Variants in ADPGK observed in about 807,000 individuals in gnomAD.
The protein encoded by ADPGK is ADP-dependent glucokinase.
ADPGK carries 26 observed loss-of-function variants against 42.4 expected under a neutral mutation model. That is an observed-to-expected ratio of 0.61 (90% CI 0.45 to 0.85). The LOEUF (loss-of-function observed/expected upper bound fraction) is 0.85. Among genes scored for constraint, ADPGK ranks in the 40% least tolerant of loss-of-function variants. The probability of loss-of-function intolerance (pLI) is 0.00; values close to 1 mark genes in which losing one functional copy is unlikely to be tolerated. For synonymous variants in ADPGK, 267 were observed against 252.6 expected, an observed-to-expected ratio of 1.06 and a Z score of -0.54; for missense variants, 571 against 627.0, an observed-to-expected ratio of 0.91 and a Z score of 0.95.
At position 72,752,366 on chromosome 15, in the gene ADPGK, T is replaced by TA; in HGVS notation, c.1468dup (p.Tyr490LeufsTer23). ...CTAATAGTGAGGGTGTACTTCCGAA[T>TA]AGAAGAGTCCTTCGGCTGAAATGGC... On this transcript the variant is annotated frameshift_variant, in exon 7 of 7. Coordinates refer to ENST00000456471, the MANE Select transcript of ADPGK (RefSeq NM_001365225.1). LOFTEE classifies it high-confidence loss of function. 6.2e-7 allele frequency: 1 copy of TA among 1,613,986 alleles called. No individual in the cohort carries two copies.
At chr15:72,756,059 C>G (rs1423222427) in intron 5 of ADPGK, 192 bp downstream of exon 5, 1 of 727,200 alleles carries the variant, frequency 1.4e-6, no homozygotes, top group Admixed American at 2.0e-5. Flanking sequence ...CTGTCCTACT[C>G]AAGCTGCTGC....
intron 3 of ADPGK, among the ~76,000 whole-genome samples, chr15:72,769,602 C>G (rs1395887727): frequency 6.6e-6 from 1 of 152,222 alleles, no homozygotes; most frequent in Non-Finnish European, 1.5e-5. Flanking sequence ...CTGCCTCGGC[C>G]TCCCAAAGTG....
intron 4 of ADPGK, among the ~76,000 whole-genome samples, chr15:72,759,556 A>ATT (rs1307088073): frequency 6.6e-6 from 1 of 152,198 alleles, no homozygotes; most frequent in African/African-American, 2.4e-5. Context: ...TTCATATCTT[A>ATT]TGTTAAAGTT....
At position 72,771,763 on chromosome 15, in the gene ADPGK, A is replaced by C. The variant is rs1243593761; in HGVS notation, c.522+20T>G. On this transcript the variant is annotated intron_variant, in intron 3 of 6. Transcript: ENST00000456471. The stretch of plus-strand genomic sequence containing the variant: ...AACACTAGGGAAAGGCATAGGTTTT[A>C]ATCTAAAAACTTGACCTACCTTTAA... 2.5e-6 allele frequency: 4 copies of C among 1,602,078 alleles called. No homozygotes were observed. Among genetic ancestry groups the C allele is most frequent in the Non-Finnish European group, 3.4e-6 (4 of 1,173,662 alleles).
chr15:72,758,961 C>T (rs1024177881), intron 4 of ADPGK, among the ~76,000 whole-genome samples: 9 of 152,280 alleles, frequency 5.9e-5, no homozygotes, highest in African/African-American at 1.9e-4. Context: ...TTTTTTGAGA[C>T]GGAGTCTCGC....
At chr15:72,768,623 G>A (rs1308565025) in intron 3 of ADPGK, among the ~76,000 whole-genome samples, 3 of 151,504 alleles carry the variant, frequency 2.0e-5, no homozygotes, top group African/African-American at 2.4e-5. Context: ...AGCTGAGATC[G>A]CCACCACTGC....
chr15:72,752,020 G>A lies in ADPGK; in HGVS notation c.*321C>T. ...GTGCACTTCTCAAGTGGGCAAGGAA[G>A]AACTGCTTTTCTCCAGCTGACATGC... On this transcript the variant is annotated 3_prime_UTR_variant, in exon 7 of 7. Coordinates refer to ENST00000456471, the MANE Select transcript of ADPGK (RefSeq NM_001365225.1). 3.4e-6 allele frequency: 1 copy of A among 293,042 alleles called. No homozygotes were observed. Among genetic ancestry groups the A allele is most frequent in the Non-Finnish European group, 6.4e-6 (1 of 155,358 alleles). The allele number at this position is 293,042 out of a possible 1,614,324, so 18.2% of individuals were successfully genotyped here.
chr15:72,758,419 G>A (rs2066144770), intron 4 of ADPGK: 1 of 470,760 alleles, frequency 2.1e-6, no homozygotes, highest in Non-Finnish European at 3.9e-6. Flanking sequence ...GATCTGGTAA[G>A]AGAGAATGTG....
At chr15:72,755,409 G>C (rs2066098447) in intron 6 of ADPGK, 147 bp downstream of exon 6, 7 of 602,162 alleles carry the variant, frequency 1.2e-5, no homozygotes, top group South Asian at 1.0e-4. Flanking sequence ...TCCTTATTTG[G>C]ATCTCCATGG....
intron 6 of ADPGK, among the ~76,000 whole-genome samples, chr15:72,753,574 G>A (rs2066074912): frequency 1.3e-5 from 2 of 152,200 alleles, no homozygotes; most frequent in East Asian, 1.9e-4. Context: ...AATTTTTGCA[G>A]GAGAGAGGAG....
At position 72,783,512 on chromosome 15, in the gene ADPGK, G is replaced by A; in HGVS notation, c.180C>T (p.Ala60=). The change falls in exon 1 of 7, where the codon GCC becomes GCT. Residue 60 remains alanine, a synonymous_variant. Coordinates refer to ENST00000456471, the MANE Select transcript of ADPGK (RefSeq NM_001365225.1). ...PVSPEGRLAA[A]WDALIVRPVR... ...CTGGCCGCACGATAAGCGCGTCCCA[G>A]GCTGCCGCCAACCGGCCCTCGGGGG... 2 of 1,473,114 alleles carry A rather than the reference G, an allele frequency of 1.4e-6. No homozygotes were observed. Among genetic ancestry groups the A allele is most frequent in the Non-Finnish European group, 1.8e-6 (2 of 1,119,300 alleles). The allele number at this position is 1,473,114 out of a possible 1,614,324, so 91.3% of individuals were successfully genotyped here. A position where few individuals can be genotyped will look rare whatever the true frequency, so the allele number is the denominator to read the frequency against.
chr15:72,777,337 G>A (rs2066402709), intron 1 of ADPGK, among the ~76,000 whole-genome samples: 2 of 152,134 alleles, frequency 1.3e-5, no homozygotes, highest in East Asian at 1.9e-4. Flanking sequence ...TTTGGGTCCC[G>A]AGTCTGAAGA....
chr15:72,767,080 A>G (rs1437242159), intron 3 of ADPGK, among the ~76,000 whole-genome samples: 1 of 152,204 alleles, frequency 6.6e-6, no homozygotes, highest in Non-Finnish European at 1.5e-5. Flanking sequence ...AAATAGATTA[A>G]AAGCACAAGG....
intron 1 of ADPGK, among the ~76,000 whole-genome samples, chr15:72,778,782 C>T (rs2066420418): frequency 6.6e-6 from 1 of 152,114 alleles, no homozygotes. Flanking sequence ...ATTGTTAAGA[C>T]ATAGAACTGT....
rs180800229 is a variant in ADPGK, at chr15:72,755,775, G to A, written c.841-121C>T. The A allele has an allele frequency of 1.2e-4, 90 of 747,766 alleles. No individual in the cohort carries two copies. In the African/African-American group the frequency reaches 1.2e-3, roughly 10 times the overall value. The allele number at this position is 747,766 out of a possible 1,614,324, so 46.3% of individuals were successfully genotyped here. ...GTAATGGCCTTCTTTGCATGCTCAC[G>A]GGAGCTACAAGCAATGTGGGTCCCC... is the stretch of plus-strand genomic sequence containing the variant. On this transcript the variant is annotated intron_variant, in intron 5 of 6. Coordinates refer to ENST00000456471, the MANE Select transcript of ADPGK (RefSeq NM_001365225.1).
intron 3 of ADPGK, among the ~76,000 whole-genome samples, chr15:72,763,298 C>CA (rs1461879188): frequency 1.3e-5 from 2 of 151,064 alleles, no homozygotes; most frequent in African/African-American, 4.9e-5. Flanking sequence ...ATTATGGACA[C>CA]ACACCACCAC....
At position 72,756,389 on chromosome 15, in the gene ADPGK, G is replaced by C; in HGVS notation, c.702C>G (p.Asp234Glu). The C allele has an allele frequency of 6.2e-7, 1 of 1,614,224 alleles. No individual in the cohort carries two copies. Among genetic ancestry groups the C allele is most frequent in the Non-Finnish European group, 8.5e-7 (1 of 1,180,044 alleles). Reference protein sequence around the residue: ...PHANRFIFSHDLSNGAMNMLE... With the variant: ...PHANRFIFSHELSNGAMNMLE... ...GCATATTCATGGCCCCGTTGGAGAG[G>C]TCGTGAGAGAAGATGAATCGGTTGG... The change falls in exon 5 of 7, where the codon GAC (aspartate) becomes GAG (glutamate). Residue 234 changes from aspartate (D) to glutamate (E), a missense_variant. By Grantham distance (45) the Asp-to-Glu change is conservative. Around this residue, in one of 2 missense-constraint regions of ADPGK, gnomAD observed 434 missense variants for 522.7 expected, o/e 0.83. Transcript: ENST00000456471.
chr15:72,764,020 C>G (rs377063870), intron 3 of ADPGK, among the ~76,000 whole-genome samples: 5 of 152,162 alleles, frequency 3.3e-5, no homozygotes, highest in African/African-American at 1.2e-4. Flanking sequence ...ATCTCTCGCC[C>G]TCTCCTTGGG....
chr15:72,768,473 C>T (rs1035061227), intron 3 of ADPGK, among the ~76,000 whole-genome samples: 3 of 152,046 alleles, frequency 2.0e-5, no homozygotes, highest in African/African-American at 7.3e-5. Flanking sequence ...TGGAGACCAG[C>T]CTGGCCAACA....
Sources: allele counts gnomAD v4.1 joint callset (sites outside exome capture counted in the v4.1 genomes callset), GRCh38; gene constraint gnomAD v4.1.1; regional missense constraint gnomAD v4.1.1; transcripts MANE v1.5; gene names NCBI Gene and HGNC (gene_info 2026-07-23, HGNC 2026-07-21).